PCDHGB2: variants seen among roughly 807,000 people sequenced by gnomAD.
The protein encoded by PCDHGB2 is protocadherin gamma subfamily B, 2.
Under a neutral mutation model 59.3 loss-of-function variants are expected in PCDHGB2, and 55 were observed. That is an observed-to-expected ratio of 0.93 (90% CI 0.75 to 1.16). PCDHGB2 has a LOEUF of 1.16. Ranked by LOEUF, PCDHGB2 falls within the 50% of genes most tolerant of loss-of-function variation. PCDHGB2 has a pLI of 0.00. For missense variants in PCDHGB2, 1,228 were observed against 1,198.5 expected, an observed-to-expected ratio of 1.02 and a Z score of -0.36; for synonymous variants, 516 against 512.0, an observed-to-expected ratio of 1.01 and a Z score of -0.11.
chr5:141,389,331 G>A (rs1212558688), intron 1 of PCDHGB2: 15 of 1,613,986 alleles, frequency 9.3e-6, no homozygotes, highest in Middle Eastern at 1.6e-4. Context: ...GGGGCCCAAC[G>A]GCCAAGTCTC....
At chr5:141,426,581 CCT>C (rs898552856) in intron 1 of PCDHGB2, 1 of 358,350 alleles carries the variant, frequency 2.8e-6, no homozygotes, top group Non-Finnish European at 5.6e-6. Flanking sequence ...TCTTCAAAAT[CCT>C]CTGTGTCATA....
Position 141,421,488 on chromosome 5 carries a change from G to A in PCDHGB2, c.2421+58932G>A. On this transcript the variant is annotated intron_variant, in intron 1 of 3. Transcript: ENST00000522605. ...ATCCGCGAAGCGGCAGCTTGATCAC[G>A]GCAGGCAGGATAGACCGGGAGGAGC... The A allele has an allele frequency of 1.9e-6, 3 of 1,614,100 alleles. No homozygotes were observed. In the South Asian group the frequency reaches 3.3e-5, roughly 18 times the overall value.
intron 1 of PCDHGB2, among the ~76,000 whole-genome samples, chr5:141,362,987 G>T (rs191534740): frequency 1.3e-5 from 2 of 152,326 alleles, no homozygotes; most frequent in Admixed American, 6.5e-5. Context: ...TTTGCATAAT[G>T]GCATGGCTTG....
At chr5:141,400,776 G>GT (rs1167512157) in intron 1 of PCDHGB2, 4 of 557,602 alleles carry the variant, frequency 7.2e-6, no homozygotes, top group Non-Finnish European at 1.3e-5. Flanking sequence ...CATTTGGTGC[G>GT]TTTTTTTGTC....
rs759706919 is a variant in PCDHGB2 at position 141,374,098 on chromosome 5, G to C, written c.2421+11542G>C. 20 of 1,561,062 alleles carry C rather than the reference G, an allele frequency of 1.3e-5. No homozygotes were observed. The South Asian group carries it at 2.1e-4, about 17-fold the overall frequency. ...ATAAGCCAGTAATGGCGCCTCCGCA[G>C]AGGCATCCGCAGCGCAGCGAGCAGG... On this transcript the variant is annotated intron_variant, in intron 1 of 3. Transcript: ENST00000522605.
At chr5:141,402,284 T>C (rs2150926780) in intron 1 of PCDHGB2, among the ~76,000 whole-genome samples, 1 of 152,054 alleles carries the variant, frequency 6.6e-6, no homozygotes, top group African/African-American at 2.4e-5. Context: ...GGATAATCTA[T>C]CCTTATATAT....
chr5:141,452,951 G>T (rs1397204185), intron 1 of PCDHGB2, among the ~76,000 whole-genome samples: 13 of 152,154 alleles, frequency 8.5e-5, no homozygotes, highest in Admixed American at 8.5e-4. Context: ...GCAATTGGTT[G>T]TCTTTAAACT....
In PCDHGB2 at chr5:141,511,555, C is replaced by T; in HGVS notation, c.*382C>T. 1 of 305,302 alleles carries T rather than the reference C, an allele frequency of 3.3e-6. No individual in the cohort carries two copies. Among genetic ancestry groups the T allele is most frequent in the South Asian group, 3.6e-5 (1 of 28,078 alleles). 18.9% of individuals were successfully genotyped at this position (305,302 alleles called of 1,614,324 possible). ...CCTCCCCACCCCACTCCAACAGTTC[C>T]TCTTTCCCGAGTAAGGTGGTTGGGG... On this transcript the variant is annotated 3_prime_UTR_variant, in exon 4 of 4. Coordinates refer to ENST00000522605, the MANE Select transcript of PCDHGB2 (RefSeq NM_018923.3).
intron 1 of PCDHGB2, chr5:141,422,953 G>A: frequency 6.2e-7 from 1 of 1,614,232 alleles, no homozygotes; most frequent in Non-Finnish European, 8.5e-7. Context: ...CTCCACTGGC[G>A]TGGAGCTGGC....
chr5:141,470,871 T>C (rs1036871133), intron 1 of PCDHGB2, among the ~76,000 whole-genome samples: 1 of 151,822 alleles, frequency 6.6e-6, no homozygotes, highest in Admixed American at 6.6e-5. Flanking sequence ...TGTTTGTTTG[T>C]TTTTTTGTTT....
chr5:141,442,135 G>C lies in PCDHGB2; in HGVS notation c.2422-52672G>C, dbSNP rs868124128. 8 of 164,066 alleles carry C rather than the reference G, an allele frequency of 4.9e-5. 1 individual carries two copies. The highest frequency in any genetic ancestry group is 2.8e-4 in the South Asian group (2 of 7,026). 10.2% of individuals were successfully genotyped at this position (164,066 alleles called of 1,614,324 possible). On this transcript the variant is annotated intron_variant, in intron 1 of 3. Transcript: ENST00000522605. ...CCCTCGTCGCCGACAGCCTGCAGGA[G>C]ACTCTGCCAGACCTCAGCGATCACT...
chr5:141,457,498 G>A (rs193168963), intron 1 of PCDHGB2, among the ~76,000 whole-genome samples: 23 of 152,246 alleles, frequency 1.5e-4, no homozygotes, highest in African/African-American at 4.3e-4. Flanking sequence ...TAAAATGTAG[G>A]CAAAAAGCTT....
At chr5:141,463,847 G>T (rs922334975) in intron 1 of PCDHGB2, among the ~76,000 whole-genome samples, 9 of 152,158 alleles carry the variant, frequency 5.9e-5, no homozygotes, top group African/African-American at 2.2e-4. Context: ...TGTTATAGTG[G>T]TATATCTGGT....
chr5:141,507,570 G>A (rs562674847), intron 3 of PCDHGB2, among the ~76,000 whole-genome samples: 1 of 152,366 alleles, frequency 6.6e-6, no homozygotes, highest in South Asian at 2.1e-4. Flanking sequence ...CTGGGTCTGA[G>A]GAGATGCCAA....
At chr5:141,499,136 G>A (rs1488844131) in intron 2 of PCDHGB2, among the ~76,000 whole-genome samples, 1 of 152,100 alleles carries the variant, frequency 6.6e-6, no homozygotes, top group Non-Finnish European at 1.5e-5. Flanking sequence ...CATCCTTTGG[G>A]TGTCTGATCC....
intron 1 of PCDHGB2, chr5:141,393,562 A>C: frequency 6.2e-7 from 1 of 1,613,964 alleles, no homozygotes; most frequent in Non-Finnish European, 8.5e-7. Context: ...TACCGAGTGA[A>C]AGTCCTTGAG....
chr5:141,372,392 T>C (rs1768728273), intron 1 of PCDHGB2: 25 of 1,614,052 alleles, frequency 1.5e-5, no homozygotes, highest in Non-Finnish European at 2.1e-5. Context: ...TCTTCGCAGA[T>C]AGCTTGCAAG....
intron 1 of PCDHGB2, chr5:141,419,006 A>T: frequency 6.2e-7 from 1 of 1,614,006 alleles, no homozygotes. Context: ...TGGGGAAGTC[A>T]GGTGTAGCTT....
intron 1 of PCDHGB2, among the ~76,000 whole-genome samples, chr5:141,443,479 C>G (rs1285767691): frequency 6.6e-6 from 1 of 152,144 alleles, no homozygotes; most frequent in African/African-American, 2.4e-5. Context: ...GAATTAGACC[C>G]TGTCCCAAAA....
Sources: gnomAD v4.1 joint callset for allele counts (sites outside exome capture counted in the v4.1 genomes callset) on GRCh38, gnomAD v4.1.1 for gene constraint, MANE v1.5 for transcripts, NCBI Gene and HGNC (gene_info 2026-07-23, HGNC 2026-07-21) for gene names.